Variants in SGCZ observed in about 807,000 individuals in gnomAD.
SGCZ encodes sarcoglycan zeta.
In SGCZ, 40 loss-of-function variants were observed where a neutral mutation model predicts 41.3. The observed-to-expected ratio is 0.97, with a 90% CI of 0.75 to 1.26. SGCZ has a LOEUF of 1.26. Ranked by LOEUF, SGCZ falls within the 50% of genes most tolerant of loss-of-function variation. SGCZ has a pLI of 0.00. For missense variants in SGCZ, 552 were observed against 369.8 expected (o/e 1.49, Z -4.04); for synonymous variants, 206 against 137.5 (o/e 1.50, Z -3.49).
intron 2 of SGCZ, among the ~76,000 whole-genome samples, chr8:14,413,424 C>A (rs561206760): frequency 6.6e-6 from 1 of 151,888 alleles, no homozygotes; most frequent in East Asian, 1.9e-4. Context: ...TTTCTTCTAT[C>A]TTTGCAAGGA....
At chr8:14,955,414 C>G (rs1006431565) in intron 1 of SGCZ, among the ~76,000 whole-genome samples, 1 of 152,172 alleles carries the variant, frequency 6.6e-6, no homozygotes, top group Non-Finnish European at 1.5e-5. Flanking sequence ...ATTGTTGTGC[C>G]TCTTTCCTAG....
intron 2 of SGCZ, among the ~76,000 whole-genome samples, chr8:14,462,803 T>C (rs1000085507): frequency 1.3e-5 from 2 of 151,856 alleles, no homozygotes; most frequent in Non-Finnish European, 2.9e-5. Context: ...TGTAGATCAT[T>C]TGGGGTAATA....
chr8:14,722,743 A>G (rs1383416593), intron 1 of SGCZ, among the ~76,000 whole-genome samples: 2 of 152,136 alleles, frequency 1.3e-5, no homozygotes, highest in African/African-American at 2.4e-5. Context: ...AAGGAAACAT[A>G]TGAGGGAAAA....
intron 2 of SGCZ, among the ~76,000 whole-genome samples, chr8:14,414,295 G>A (rs1178737004): frequency 6.6e-6 from 1 of 151,740 alleles, no homozygotes; most frequent in Non-Finnish European, 1.5e-5. Context: ...TTATCTAGAC[G>A]TTACTTAATT....
At chr8:14,101,319 CAA>C (rs1802013459) in intron 7 of SGCZ, among the ~76,000 whole-genome samples, 1 of 91,946 alleles carries the variant, frequency 1.1e-5, no homozygotes, top group African/African-American at 2.8e-5. Context: ...TGTGAAAATG[CAA>C]AGTTATGTCT....
At chr8:15,076,615 T>A (rs1410669333) in intron 1 of SGCZ, among the ~76,000 whole-genome samples, 1 of 151,982 alleles carries the variant, frequency 6.6e-6, no homozygotes, top group African/African-American at 2.4e-5. Flanking sequence ...GCTGCCTTCT[T>A]TGTCTCCTGC....
At chr8:14,833,002 T>A (rs1325008706) in intron 1 of SGCZ, among the ~76,000 whole-genome samples, 1 of 151,896 alleles carries the variant, frequency 6.6e-6, no homozygotes, top group African/African-American at 2.4e-5. Context: ...TTCCTTTTAT[T>A]TTTATTGTAT....
chr8:14,140,364 A>C (rs1284085080), intron 5 of SGCZ, among the ~76,000 whole-genome samples: 1 of 152,138 alleles, frequency 6.6e-6, no homozygotes, highest in Non-Finnish European at 1.5e-5. Context: ...CAATTAGGAA[A>C]AGAGGAAGTC....
intron 1 of SGCZ, among the ~76,000 whole-genome samples, chr8:14,732,555 G>A (rs963436198): frequency 2.6e-5 from 4 of 152,046 alleles, no homozygotes; most frequent in Admixed American, 2.0e-4. Flanking sequence ...GAACCTGAAT[G>A]CTAAGCCCCT....
intron 1 of SGCZ, among the ~76,000 whole-genome samples, chr8:15,144,647 G>C (rs2117004593): frequency 6.6e-6 from 1 of 152,042 alleles, no homozygotes; most frequent in South Asian, 2.1e-4. Flanking sequence ...GTAGAGACAG[G>C]GTTTCACTCT....
chr8:14,182,681 G>A (rs1228280891), intron 4 of SGCZ, among the ~76,000 whole-genome samples: 2 of 152,142 alleles, frequency 1.3e-5, no homozygotes, highest in African/African-American at 4.8e-5. Context: ...TTAGATCAGT[G>A]ATGACAAAAG....
chr8:14,380,340 T>C (rs973178848), intron 2 of SGCZ, among the ~76,000 whole-genome samples: 2 of 152,194 alleles, frequency 1.3e-5, no homozygotes, highest in African/African-American at 2.4e-5. Context: ...CAATATTAGA[T>C]AATCACCTAT....
At position 14,612,531 on chromosome 8, in the gene SGCZ, A is replaced by G. The variant is rs141923961; in HGVS notation, c.40-57605T>C. Among the ~76,000 whole-genome samples the G allele has an allele frequency of 2.4e-3, 370 of 152,228 alleles. 1 individual carries two copies. Among genetic ancestry groups the G allele is most frequent in the Non-Finnish European group, 3.4e-3 (230 of 68,014 alleles). On this transcript the variant is annotated intron_variant, in intron 1 of 7. Coordinates refer to ENST00000382080, the MANE Select transcript of SGCZ (RefSeq NM_139167.4). ...TGAGAATGGACTAATACAGAGGTTTATGGAATTATAGCCACAAAGCTTGGA... is the reference window on the plus strand; with the variant it reads ...TGAGAATGGACTAATACAGAGGTTTGTGGAATTATAGCCACAAAGCTTGGA...
At chr8:14,685,828 A>C (rs1808593745) in intron 1 of SGCZ, among the ~76,000 whole-genome samples, 1 of 152,184 alleles carries the variant, frequency 6.6e-6, no homozygotes, top group Admixed American at 6.5e-5. Context: ...CAATTCTGTC[A>C]ATAAATGTTC....
chr8:14,600,749 G>A (rs1477951307), intron 1 of SGCZ, among the ~76,000 whole-genome samples: 3 of 151,922 alleles, frequency 2.0e-5, no homozygotes, highest in Non-Finnish European at 2.9e-5. Context: ...TTAAATTAAA[G>A]GTATCCTTGT....
intron 2 of SGCZ, among the ~76,000 whole-genome samples, chr8:14,527,814 C>T (rs1189488874): frequency 1.3e-5 from 2 of 151,982 alleles, no homozygotes; most frequent in Non-Finnish European, 2.9e-5. Flanking sequence ...AACCCATGTC[C>T]ATAACAATTC....
intron 3 of SGCZ, among the ~76,000 whole-genome samples, chr8:14,287,611 C>T (rs187132166): frequency 6.6e-6 from 1 of 152,058 alleles, no homozygotes; most frequent in African/African-American, 2.4e-5. Flanking sequence ...CATTATAGTA[C>T]TAATGAGATA....
chr8:14,555,713 A>G (rs1184501129), intron 1 of SGCZ, among the ~76,000 whole-genome samples: 1 of 152,070 alleles, frequency 6.6e-6, no homozygotes, highest in Non-Finnish European at 1.5e-5. Flanking sequence ...GTCTACCACA[A>G]GGATTTTCTG....
At chr8:14,917,841 A>C (rs1203834326) in intron 1 of SGCZ, among the ~76,000 whole-genome samples, 1 of 152,160 alleles carries the variant, frequency 6.6e-6, no homozygotes, top group East Asian at 1.9e-4. Context: ...ATCATTAATT[A>C]GGAGGTTAGT....
Sources: allele counts gnomAD v4.1 joint callset (sites outside exome capture counted in the v4.1 genomes callset), GRCh38; gene constraint gnomAD v4.1.1; transcripts MANE v1.5; gene names NCBI Gene and HGNC (gene_info 2026-07-23, HGNC 2026-07-21).